SSX1: variants seen among roughly 807,000 people sequenced by gnomAD.
SSX1 encodes the protein SSX family member 1, also known as protein SSX1.
A neutral mutation model predicts 14.6 loss-of-function variants in SSX1; 58 were observed. That is an observed-to-expected ratio of 3.96 (90% CI 3.21 to 4.93). The LOEUF is 4.93. Ranked by LOEUF, SSX1 falls within the 30% of genes most tolerant of loss-of-function variation. The pLI is 0.00. For missense variants in SSX1, 272 were observed against 143.1 expected (o/e 1.90, Z -4.60); for synonymous variants, 46 against 52.1 (o/e 0.88, Z 0.50).
intron 6 of SSX1, among the ~76,000 whole-genome samples, chrX:48,265,297 G>A (rs782209357): frequency 1.8e-5 from 2 of 112,194 alleles, no homozygotes; most frequent in Non-Finnish European, 1.9e-5. Flanking sequence ...CTTTCATCCT[G>A]TCTCGGCTTT....
chrX:48,266,250 T>C (rs1428901862), intron 6 of SSX1, 37 bp from the exon 7 acceptor site: 2 of 1,209,708 alleles, frequency 1.7e-6, no homozygotes, highest in African/African-American at 3.5e-5. Flanking sequence ...CTCTTCAACG[T>C]ACCCAACCCT....
intron 6 of SSX1, among the ~76,000 whole-genome samples, chrX:48,265,694 T>C (rs1424233172): frequency 1.8e-5 from 2 of 111,895 alleles, no homozygotes; most frequent in Non-Finnish European, 3.8e-5. Context: ...ATGGGATGGA[T>C]ACCCTATTTT....
intron 5 of SSX1, among the ~76,000 whole-genome samples, chrX:48,262,665 A>G (rs1393130539): frequency 9.0e-6 from 1 of 111,657 alleles, no homozygotes; most frequent in East Asian, 2.8e-4. Context: ...TTTAGAAGGT[A>G]AAGGGATCTG....
chrX:48,262,243 T>A (rs2059606621), intron 5 of SSX1, among the ~76,000 whole-genome samples: 1 of 112,564 alleles, frequency 8.9e-6, no homozygotes, highest in African/African-American at 3.2e-5. Context: ...TAGACCATAG[T>A]TATCAGCAAC....
At chrX:48,263,499 T>G (rs1407037041) in intron 5 of SSX1, among the ~76,000 whole-genome samples, 12 of 111,412 alleles carry the variant, frequency 1.1e-4, no homozygotes, top group Admixed American at 1.9e-4. Flanking sequence ...TCTCCAAATA[T>G]TCTGTGTACT....
At chrX:48,263,129 T>C (rs2059610838) in intron 5 of SSX1, among the ~76,000 whole-genome samples, 1 of 102,506 alleles carries the variant, frequency 9.8e-6, no homozygotes, top group Admixed American at 1.1e-4. Flanking sequence ...CGAGACTTTG[T>C]CAAAAAAAAA....
intron 4 of SSX1, 94 bp from the exon 5 acceptor site, chrX:48,261,672 A>AG (rs1168956910): frequency 4.2e-6 from 4 of 961,546 alleles, no homozygotes; most frequent in Non-Finnish European, 6.0e-6. Context: ...TGGACTCATA[A>AG]CCTCTGCTGC....
At chrX:48,256,455 GTTTTTTT>G (rs1190862256) in intron 1 of SSX1, among the ~76,000 whole-genome samples, 2 of 31,157 alleles carry the variant, frequency 6.4e-5, no homozygotes, top group Non-Finnish European at 1.1e-4. Flanking sequence ...TTGTGTGGTT[GTTTTTTT>G]TTTTTTTTTT....
Sources: allele counts gnomAD v4.1 joint callset (sites outside exome capture counted in the v4.1 genomes callset), GRCh38; gene constraint gnomAD v4.1.1; transcripts MANE v1.5; gene names NCBI Gene and HGNC (gene_info 2026-07-23, HGNC 2026-07-21).